OXCT1: variants seen among roughly 807,000 people sequenced by gnomAD.
OXCT1 encodes the protein succinyl-CoA:3-ketoacid coenzyme A transferase 1, mitochondrial.
Under a neutral mutation model 69.6 loss-of-function variants are expected in OXCT1, and 27 were observed. The ratio of observed to expected loss-of-function variants is 0.39; its 90% CI spans 0.29 to 0.54. The LOEUF (loss-of-function observed/expected upper bound fraction) is 0.54. Among genes scored for constraint, OXCT1 ranks in the 20% least tolerant of loss-of-function variants. OXCT1 has a pLI of 0.72. For synonymous variants in OXCT1, 202 were observed against 217.8 expected, an observed-to-expected ratio of 0.93 and a Z score of 0.64; for missense variants, 437 against 650.2, an observed-to-expected ratio of 0.67 and a Z score of 3.57.
intron 3 of OXCT1, among the ~76,000 whole-genome samples, chr5:41,857,867 T>C (rs1749504459): frequency 6.6e-6 from 1 of 152,214 alleles, no homozygotes; most frequent in Non-Finnish European, 1.5e-5. Flanking sequence ...AATAAAATAA[T>C]TCATGAAGGT....
chr5:41,791,704 A>G (rs1745925745), intron 13 of OXCT1, among the ~76,000 whole-genome samples: 1 of 152,244 alleles, frequency 6.6e-6, no homozygotes, highest in Admixed American at 6.5e-5. Context: ...ATTAGTCTAG[A>G]GAAATAGATG....
At chr5:41,754,817 T>C (rs1325243325) in intron 14 of OXCT1, among the ~76,000 whole-genome samples, 2 of 152,110 alleles carry the variant, frequency 1.3e-5, no homozygotes, top group East Asian at 3.9e-4. Flanking sequence ...ATGGAGGTAA[T>C]AAAAGTTTGT....
chr5:41,826,900 G>A lies in OXCT1; in HGVS notation c.732+13551C>T, dbSNP rs546792199. On this transcript the variant is annotated intron_variant, in intron 7 of 16. Coordinates refer to ENST00000196371, the MANE Select transcript of OXCT1 (RefSeq NM_000436.4). ...CAACAGGATCATCCCAGGTTTCCCC[G>A]TCTCAGTAAGTGATGTATCATTGCT... is the stretch of plus-strand genomic sequence containing the variant. Among the ~76,000 whole-genome samples, 9 of 152,224 alleles carry A rather than the reference G, an allele frequency of 5.9e-5. No individual in the cohort carries two copies. The South Asian group carries it at 1.5e-3, about 25-fold the overall frequency.
At chr5:41,790,391 C>T (rs764699898) in intron 13 of OXCT1, among the ~76,000 whole-genome samples, 1 of 152,202 alleles carries the variant, frequency 6.6e-6, no homozygotes, top group Non-Finnish European at 1.5e-5. Context: ...CAATCAGCAG[C>T]GAGCTTGAAG....
intron 7 of OXCT1, among the ~76,000 whole-genome samples, chr5:41,818,468 A>C (rs1435510934): frequency 6.6e-6 from 1 of 152,226 alleles, no homozygotes; most frequent in East Asian, 1.9e-4. Flanking sequence ...AAAAGCTATC[A>C]GAAATGGTAA....
At chr5:41,782,762 A>C (rs1372678176) in intron 13 of OXCT1, among the ~76,000 whole-genome samples, 1 of 152,180 alleles carries the variant, frequency 6.6e-6, no homozygotes. Flanking sequence ...AGAAACATGG[A>C]AGGTTCTTTG....
rs1423566390 is a variant in OXCT1 at position 41,842,776 on chromosome 5, C to T, written c.570G>A (p.Arg190=). 1 of 1,607,888 alleles carries T rather than the reference C, an allele frequency of 6.2e-7. No homozygotes were observed. The highest frequency in any genetic ancestry group is 1.7e-5 in the Admixed American group (1 of 59,992). The change falls in exon 6 of 17, where the codon AGG becomes AGA. Residue 190 remains arginine, a synonymous_variant. Transcript: ENST00000196371. ...AAATAAAGTGCTGACCATTGAACTC[C>T]CTCACCTGCAGAAGAGGGAGAAGGC... ...VAIASKPREV[R]EFNGQHFILE... is the part of the protein sequence containing the mutation.
intron 14 of OXCT1, among the ~76,000 whole-genome samples, chr5:41,754,461 C>T (rs900418305): frequency 6.6e-6 from 1 of 151,984 alleles, no homozygotes. Context: ...GATGGATACC[C>T]CATTCTCCAC....
At chr5:41,822,783 T>C (rs1747619580) in intron 7 of OXCT1, among the ~76,000 whole-genome samples, 1 of 152,212 alleles carries the variant, frequency 6.6e-6, no homozygotes, top group Admixed American at 6.5e-5. Context: ...AGCTTTCTTT[T>C]GATTAATGTT....
At chr5:41,792,892 T>C (rs1230810702) in intron 13 of OXCT1, among the ~76,000 whole-genome samples, 1 of 152,158 alleles carries the variant, frequency 6.6e-6, no homozygotes, top group African/African-American at 2.4e-5. Flanking sequence ...CCAGGCTACA[T>C]CCCAGATTAA....
intron 15 of OXCT1, among the ~76,000 whole-genome samples, chr5:41,744,319 C>A (rs148789301): frequency 0.013 from 1,941 of 152,228 alleles, 36 homozygotes; most frequent in African/African-American, 0.041. Flanking sequence ...CATTTTGTAT[C>A]CTGAGACTTT....
intron 14 of OXCT1, among the ~76,000 whole-genome samples, chr5:41,759,966 A>T (rs1261472296): frequency 6.6e-6 from 1 of 152,100 alleles, no homozygotes; most frequent in African/African-American, 2.4e-5. Context: ...CTGTTCACTT[A>T]ATCATAAGGC....
At chr5:41,858,342 G>C (rs780186042) in intron 3 of OXCT1, among the ~76,000 whole-genome samples, 1 of 152,114 alleles carries the variant, frequency 6.6e-6, no homozygotes, top group Non-Finnish European at 1.5e-5. Flanking sequence ...AGGCTTACAA[G>C]ATAAAGAAAA....
intron 3 of OXCT1, chr5:41,853,771 AT>A: frequency 1.6e-6 from 1 of 644,742 alleles, no homozygotes; most frequent in Non-Finnish European, 2.8e-6. Flanking sequence ...AGTTTAAGTT[AT>A]TTTTTTGTGG....
chr5:41,811,865 G>A (rs554893129), intron 7 of OXCT1, among the ~76,000 whole-genome samples: 1 of 152,136 alleles, frequency 6.6e-6, no homozygotes, highest in African/African-American at 2.4e-5. Context: ...TAACACCTGG[G>A]ATGCCACAGA....
intron 1 of OXCT1, among the ~76,000 whole-genome samples, chr5:41,863,895 G>A (rs1749850017): frequency 6.6e-6 from 1 of 152,138 alleles, no homozygotes. Context: ...ACAGAGTTGG[G>A]CCCCAGGTTC....
At chr5:41,811,240 T>C (rs1458577432) in intron 7 of OXCT1, among the ~76,000 whole-genome samples, 1 of 151,984 alleles carries the variant, frequency 6.6e-6, no homozygotes, top group Non-Finnish European at 1.5e-5. Context: ...TCACGTTCAA[T>C]AGATAAATAG....
At chr5:41,854,055 T>C (rs1749315729) in intron 3 of OXCT1, among the ~76,000 whole-genome samples, 1 of 152,202 alleles carries the variant, frequency 6.6e-6, no homozygotes, top group Admixed American at 6.5e-5. Context: ...CATTCTGGTA[T>C]TTAAAAGAGA....
At chr5:41,831,638 A>G (rs1043534504) in intron 7 of OXCT1, among the ~76,000 whole-genome samples, 1 of 152,152 alleles carries the variant, frequency 6.6e-6, no homozygotes, top group African/African-American at 2.4e-5. Flanking sequence ...TCCTTAAACT[A>G]TCTTTGCACT....
Sources: allele counts gnomAD v4.1 joint callset (sites outside exome capture counted in the v4.1 genomes callset), GRCh38; gene constraint gnomAD v4.1.1; transcripts MANE v1.5; gene names NCBI Gene and HGNC (gene_info 2026-07-23, HGNC 2026-07-21).